Variants in PHACTR4 observed in about 807,000 individuals in gnomAD.
PHACTR4 encodes protein phosphatase 1, regulatory subunit 124.
A neutral mutation model predicts 72.7 loss-of-function variants in PHACTR4; 51 were observed. That is an observed-to-expected ratio of 0.70 (90% CI 0.56 to 0.89). The LOEUF (loss-of-function observed/expected upper bound fraction) is 0.89, where lower values mean the gene tolerates loss of function less well. Ranked by LOEUF, PHACTR4 falls within the 40% of genes least tolerant of loss-of-function variation. The probability of loss-of-function intolerance (pLI) is 0.00; values close to 1 mark genes in which losing one functional copy is unlikely to be tolerated. For synonymous variants in PHACTR4, 255 were observed against 302.5 expected, an observed-to-expected ratio of 0.84 and a Z score of 1.63; for missense variants, 731 against 861.8, an observed-to-expected ratio of 0.85 and a Z score of 1.90.
At chr1:28,492,961 C>A in intron 12 of PHACTR4, 54 bp from the exon 13 acceptor site, 1 of 1,469,542 alleles carries the variant, frequency 6.8e-7, no homozygotes, top group Non-Finnish European at 9.5e-7. Context: ...ACAAGTTACA[C>A]TGCTGTGCAA....
At chr1:28,403,106 G>C (rs1399902209) in intron 1 of PHACTR4, among the ~76,000 whole-genome samples, 1 of 152,222 alleles carries the variant, frequency 6.6e-6, no homozygotes, top group Non-Finnish European at 1.5e-5. Flanking sequence ...AAGGAGTACT[G>C]TCCTAGGTTG....
intron 2 of PHACTR4, among the ~76,000 whole-genome samples, chr1:28,428,198 C>CTAT (rs1655996111): frequency 6.6e-6 from 1 of 152,100 alleles, no homozygotes; most frequent in South Asian, 2.1e-4. Flanking sequence ...TCCCCTTTTC[C>CTAT]TTCATCCCAC....
chr1:28,429,307 A>G (rs982629197), intron 2 of PHACTR4, among the ~76,000 whole-genome samples: 1 of 152,178 alleles, frequency 6.6e-6, no homozygotes, highest in African/African-American at 2.4e-5. Flanking sequence ...TGACAAATCT[A>G]TCCCCTTTCT....
intron 8 of PHACTR4, among the ~76,000 whole-genome samples, chr1:28,476,787 T>TTTTTTTTTTTTTTTTTTA (rs1659951822): frequency 1.4e-5 from 2 of 143,498 alleles, no homozygotes; most frequent in African/African-American, 2.6e-5. Flanking sequence ...TTTTTTTTTT[T>TTTTTTTTTTTTTTTTTTA]GAGACGGAGT....
At chr1:28,431,552 C>T (rs1206145327) in intron 2 of PHACTR4, among the ~76,000 whole-genome samples, 2 of 151,906 alleles carry the variant, frequency 1.3e-5, no homozygotes, top group Non-Finnish European at 2.9e-5. Context: ...AAAAAGAACT[C>T]TGAGTCAGAC....
intron 1 of PHACTR4, among the ~76,000 whole-genome samples, chr1:28,373,533 G>A (rs191277874): frequency 6.6e-5 from 10 of 151,998 alleles, no homozygotes; most frequent in African/African-American, 2.2e-4. Context: ...CAGATGATCC[G>A]CCCACCTCAG....
intron 6 of PHACTR4, among the ~76,000 whole-genome samples, chr1:28,468,493 G>A (rs1659360068): frequency 6.6e-6 from 1 of 152,184 alleles, no homozygotes; most frequent in South Asian, 2.1e-4. Context: ...TCGGGAGGCT[G>A]AAGCAGGAGA....
chr1:28,461,146 A>G (rs1049721622), intron 4 of PHACTR4, among the ~76,000 whole-genome samples: 24 of 152,116 alleles, frequency 1.6e-4, no homozygotes, highest in Non-Finnish European at 2.6e-4. Flanking sequence ...TCTGAAAGCC[A>G]TATTGTATAC....
chr1:28,447,275 G>A (rs1657551443), intron 2 of PHACTR4, among the ~76,000 whole-genome samples: 1 of 152,040 alleles, frequency 6.6e-6, no homozygotes, highest in African/African-American at 2.4e-5. Context: ...GCCTCCCAAA[G>A]TGCTGGGATT....
At chr1:28,493,873 G>T (rs966661191) in intron 13 of PHACTR4, among the ~76,000 whole-genome samples, 1 of 152,116 alleles carries the variant, frequency 6.6e-6, no homozygotes, top group African/African-American at 2.4e-5. Flanking sequence ...CCAACTTAAT[G>T]TATAAACAAC....
chr1:28,491,007 A>G lies in PHACTR4; in HGVS notation c.1873A>G (p.Arg625Gly). Reference protein sequence around the residue: ...EKREIKRRLTRKLSQRPTVAE... With the variant: ...EKREIKRRLTGKLSQRPTVAE... ...ACGAGAAATTAAACGTCGGCTCACTAGAAAGGTACTACTGCCTGTGTGTTC... is the reference window on the plus strand; with the variant it reads ...ACGAGAAATTAAACGTCGGCTCACTGGAAAGGTACTACTGCCTGTGTGTTC... Residue 625 changes from arginine (R) to glycine (G), a missense_variant, in exon 11 of 14, where the codon AGA (arginine) becomes GGA (glycine). By Grantham distance (125) the Arg-to-Gly change is moderately radical. Transcript: ENST00000373839. 1.9e-6 allele frequency: 3 copies of G among 1,613,356 alleles called. No individual in the cohort carries two copies. The highest frequency in any genetic ancestry group is 2.5e-6 in the Non-Finnish European group (3 of 1,179,330).
chr1:28,474,203 T>G, intron 7 of PHACTR4, 52 bp downstream of exon 7: 2 of 1,480,424 alleles, frequency 1.4e-6, no homozygotes. Context: ...TAGATAGCCC[T>G]GCTTGGAAAA....
chr1:28,452,145 T>G (rs1336583224), intron 2 of PHACTR4, among the ~76,000 whole-genome samples: 1 of 152,078 alleles, frequency 6.6e-6, no homozygotes, highest in Non-Finnish European at 1.5e-5. Flanking sequence ...TGGGTTCTTA[T>G]GTGTGGATGT....
intron 2 of PHACTR4, chr1:28,433,030 A>C: frequency 1.0e-6 from 1 of 983,908 alleles, no homozygotes; most frequent in Non-Finnish European, 1.2e-6. Flanking sequence ...GGCGTGAGCC[A>C]CTGCACCTGA....
intron 4 of PHACTR4, among the ~76,000 whole-genome samples, chr1:28,460,757 C>T (rs1658744237): frequency 6.6e-6 from 1 of 152,292 alleles, no homozygotes; most frequent in Non-Finnish European, 1.5e-5. Flanking sequence ...GATCCGCCCG[C>T]CTTGGCCTCC....
chr1:28,461,849 C>CTTTT (rs142600648), intron 4 of PHACTR4, among the ~76,000 whole-genome samples: 3 of 144,212 alleles, frequency 2.1e-5, no homozygotes, highest in African/African-American at 5.4e-5. Flanking sequence ...TGTTTTCTTT[C>CTTTT]TTTCTTTTTT....
rs60578939 is a variant in PHACTR4, at chr1:28,396,845, C to CTTT, written c.-38-10548_-38-10546dup. On this transcript the variant is annotated intron_variant, in intron 1 of 13. Transcript: ENST00000373839. ...GGCTAATTTCTTTCTTTCTTTCTTT[C>CTTT]TTTTTTTTTTTTTTTTTTTGTATTT... 5.4e-3 allele frequency among the ~76,000 whole-genome samples: 640 copies of CTTT among 119,600 alleles called. 9 individuals are homozygous for CTTT. Among genetic ancestry groups the CTTT allele is most frequent in the African/African-American group, 0.019 (575 of 30,588 alleles). The allele number at this position is 119,600 out of a possible 152,430, so 78.5% of individuals were successfully genotyped here. A position where few individuals can be genotyped will look rare whatever the true frequency, so the allele number is the denominator to read the frequency against.
chr1:28,452,970 T>A (rs1323614097), intron 2 of PHACTR4, among the ~76,000 whole-genome samples: 1 of 151,938 alleles, frequency 6.6e-6, no homozygotes, highest in South Asian at 2.1e-4. Flanking sequence ...AATACAAAAG[T>A]TAGCCGGGTG....
chr1:28,402,265 G>C (rs1653998076), intron 1 of PHACTR4, among the ~76,000 whole-genome samples: 1 of 151,926 alleles, frequency 6.6e-6, no homozygotes, highest in South Asian at 2.1e-4. Context: ...GGAATACCTG[G>C]GGGGGAAAAA....
Sources: gnomAD v4.1 joint callset for allele counts (sites outside exome capture counted in the v4.1 genomes callset) on GRCh38, gnomAD v4.1.1 for gene constraint, MANE v1.5 for transcripts, NCBI Gene and HGNC (gene_info 2026-07-23, HGNC 2026-07-21) for gene names.